Variants in TUBGCP3 observed in about 807,000 individuals in gnomAD.
TUBGCP3 encodes the protein tubulin gamma complex component 3, also known as gamma-tubulin complex component 3.
In TUBGCP3, 50 loss-of-function variants were observed where a neutral mutation model predicts 123.1. That is an observed-to-expected ratio of 0.41 (90% CI 0.32 to 0.51). The LOEUF is 0.51. Among genes scored for constraint, TUBGCP3 ranks in the 20% least tolerant of loss-of-function variants. The pLI is 0.36. For synonymous variants in TUBGCP3, 405 were observed against 413.9 expected, an observed-to-expected ratio of 0.98 and a Z score of 0.26; for missense variants, 882 against 1,127.0, an observed-to-expected ratio of 0.78 and a Z score of 3.11.
At chr13:112,583,383 C>T (rs1015309836) in intron 1 of TUBGCP3, among the ~76,000 whole-genome samples, 9 of 152,114 alleles carry the variant, frequency 5.9e-5, no homozygotes, top group African/African-American at 1.4e-4. Flanking sequence ...TCAACAGATT[C>T]GATGAGATTG....
intron 1 of TUBGCP3, among the ~76,000 whole-genome samples, chr13:112,583,073 G>T (rs1407388993): frequency 6.6e-6 from 1 of 152,144 alleles, no homozygotes; most frequent in East Asian, 1.9e-4. Context: ...CCTTGGCCCC[G>T]CAATTTACTA....
Position 112,487,888 on chromosome 13 carries a change from T to C in TUBGCP3, c.2565+1693A>G, listed in dbSNP as rs552495082. On this transcript the variant is annotated intron_variant, in intron 21 of 21. Transcript: ENST00000261965. ...GGCTCATGCCTGTAATCCCAGCACT[T>C]TGGGAAGCTGAGGCGGGTGGATCAC... Among the ~76,000 whole-genome samples, 7 of 152,042 alleles carry C rather than the reference T, an allele frequency of 4.6e-5. No individual in the cohort carries two copies. In the South Asian group the frequency reaches 1.5e-3, roughly 32 times the overall value.
intron 1 of TUBGCP3, among the ~76,000 whole-genome samples, chr13:112,571,492 C>T (rs1168740315): frequency 1.3e-5 from 2 of 152,156 alleles, no homozygotes; most frequent in Non-Finnish European, 2.9e-5. Flanking sequence ...TTCTAGAGCA[C>T]AGGAAGAGTA....
Position 112,545,973 on chromosome 13 carries a change from A to T in TUBGCP3, c.1169-108T>A. 7.7e-7 allele frequency: 1 copy of T among 1,299,844 alleles called. No homozygotes were observed. The highest frequency in any genetic ancestry group is 1.1e-6 in the Non-Finnish European group (1 of 938,144). The allele number at this position is 1,299,844 out of a possible 1,614,324, so 80.5% of individuals were successfully genotyped here. ...CGCCCAAGTAATTGAGATAAAGAGC[A>T]TTTGTTTTCTTACAGTTAATACCAC... On this transcript the variant is annotated intron_variant, in intron 10 of 21. Transcript: ENST00000261965. This position sits in a 1 kb window ranked among gnomAD's most constrained non-coding sequence, Gnocchi z 4.1.
upstream of TUBGCP3, among the ~76,000 whole-genome samples, chr13:112,590,161 A>G (rs553061774): frequency 6.6e-6 from 1 of 152,056 alleles, no homozygotes; most frequent in Non-Finnish European, 1.5e-5. Flanking sequence ...TATTTTTAGT[A>G]GAGACGGGGT....
chr13:112,530,912 C>T (rs965585007), intron 11 of TUBGCP3, among the ~76,000 whole-genome samples: 1 of 152,108 alleles, frequency 6.6e-6, no homozygotes, highest in Non-Finnish European at 1.5e-5. Flanking sequence ...ATGTGATCAA[C>T]ATTGTTTAAA....
chr13:112,594,782 G>A, the TUBGCP3 span, among the ~76,000 whole-genome samples: 2 of 152,182 alleles, frequency 1.3e-5, no homozygotes, highest in Non-Finnish European at 2.9e-5. Context: ...ATTCTGTTGA[G>A]TGTACTTTTA....
intron 20 of TUBGCP3, among the ~76,000 whole-genome samples, chr13:112,498,262 G>C (rs572875035): frequency 6.6e-6 from 1 of 152,254 alleles, no homozygotes; most frequent in African/African-American, 2.4e-5. Flanking sequence ...TATCTGAAAT[G>C]CTTGGGACCA....
At position 112,588,070 on chromosome 13, in the gene TUBGCP3, C is replaced by CT. The variant is rs1882761763; in HGVS notation, c.-91_-90insA. 2.7e-6 allele frequency: 3 copies of CT among 1,129,462 alleles called. No individual in the cohort carries two copies. In the South Asian group the frequency reaches 6.5e-5, roughly 24 times the overall value. The allele number at this position is 1,129,462 out of a possible 1,614,324, so 70.0% of individuals were successfully genotyped here. A position where few individuals can be genotyped will look rare whatever the true frequency, so the allele number is the denominator to read the frequency against. On this transcript the variant is annotated 5_prime_UTR_variant, in exon 1 of 22. Coordinates refer to ENST00000261965, the MANE Select transcript of TUBGCP3 (RefSeq NM_006322.6). The stretch of plus-strand genomic sequence containing the variant: ...CGCGGCCCGCGCCCTTCCTGCGCCC[C>CT]GCAAGCTCCCTGCTCCTGACAGGCT...
chr13:112,495,726 C>T (rs942424766), intron 20 of TUBGCP3, among the ~76,000 whole-genome samples: 1 of 152,132 alleles, frequency 6.6e-6, no homozygotes, highest in Non-Finnish European at 1.5e-5. Context: ...TACCCAAATG[C>T]TTTGTTTTGG....
At chr13:112,555,886 C>T (rs999610350) in intron 6 of TUBGCP3, among the ~76,000 whole-genome samples, 166 bp downstream of exon 6, 1 of 152,188 alleles carries the variant, frequency 6.6e-6, no homozygotes, top group Admixed American at 6.5e-5. Flanking sequence ...AAAAGCCAAA[C>T]TCCCCAAGGC....
At chr13:112,493,425 G>A (rs1189693401) in intron 20 of TUBGCP3, among the ~76,000 whole-genome samples, 13 of 120,612 alleles carry the variant, frequency 1.1e-4, no homozygotes, top group African/African-American at 1.9e-4. Context: ...GAGACACTCT[G>A]GCTATGGGAA....
chr13:112,502,764 C>G (rs1413086010), intron 19 of TUBGCP3, among the ~76,000 whole-genome samples: 4 of 151,944 alleles, frequency 2.6e-5, no homozygotes, highest in African/African-American at 9.7e-5. Flanking sequence ...CCAGGATGGT[C>G]TCAAGCTCCT....
chr13:112,522,239 T>C, intron 14 of TUBGCP3, 81 bp downstream of exon 14: 2 of 1,166,046 alleles, frequency 1.7e-6, no homozygotes, highest in Non-Finnish European at 2.3e-6. Flanking sequence ...TTTCTTTTAA[T>C]ATAATTTATT....
chr13:112,572,068 C>T (rs1025795054), intron 1 of TUBGCP3, among the ~76,000 whole-genome samples: 1 of 152,182 alleles, frequency 6.6e-6, no homozygotes, highest in Admixed American at 6.5e-5. Context: ...CTTGTGTTCA[C>T]TGGAATAGCA....
At chr13:112,573,503 A>G (rs1253329480) in intron 1 of TUBGCP3, among the ~76,000 whole-genome samples, 1 of 152,176 alleles carries the variant, frequency 6.6e-6, no homozygotes, top group African/African-American at 2.4e-5. Flanking sequence ...TACATGGTTC[A>G]CAGCAACTGC....
At chr13:112,559,430 C>T (rs757809357) in intron 3 of TUBGCP3, 31 bp from the exon 4 acceptor site, 44 of 1,513,310 alleles carry the variant, frequency 2.9e-5, no homozygotes, top group African/African-American at 4.1e-5. Context: ...ATTAAAAGAA[C>T]GATTTTATAC....
chr13:112,572,592 A>C (rs1881497147), intron 1 of TUBGCP3, among the ~76,000 whole-genome samples: 1 of 152,158 alleles, frequency 6.6e-6, no homozygotes, highest in African/African-American at 2.4e-5. Flanking sequence ...GCCTAATTTC[A>C]ATATTGTTGT....
the TUBGCP3 span, among the ~76,000 whole-genome samples, chr13:112,598,663 C>T: frequency 1.1e-4 from 17 of 151,994 alleles, no homozygotes; most frequent in African/African-American, 3.4e-4. Flanking sequence ...AGTAAATTAT[C>T]GCCGGGTACG....
Sources: allele counts gnomAD v4.1 joint callset (sites outside exome capture counted in the v4.1 genomes callset), GRCh38; gene constraint gnomAD v4.1.1; non-coding constraint Gnocchi (gnomAD v3.1); transcripts MANE v1.5; gene names NCBI Gene and HGNC (gene_info 2026-07-23, HGNC 2026-07-21).